GPC6: variants seen among roughly 807,000 people sequenced by gnomAD.
The protein encoded by GPC6 is glypican 6.
GPC6 carries 14 observed loss-of-function variants against 55.2 expected under a neutral mutation model. The ratio of observed to expected loss-of-function variants is 0.25; its 90% CI spans 0.17 to 0.40. The LOEUF (loss-of-function observed/expected upper bound fraction) is 0.40, where lower values mean the gene tolerates loss of function less well. Ranked by LOEUF, GPC6 falls within the 10% of genes least tolerant of loss-of-function variation. GPC6 has a pLI of 1.00. For synonymous variants in GPC6, 278 were observed against 259.6 expected, an observed-to-expected ratio of 1.07 and a Z score of -0.68; for missense variants, 641 against 708.5, an observed-to-expected ratio of 0.90 and a Z score of 1.08.
intron 7 of GPC6, among the ~76,000 whole-genome samples, chr13:94,395,706 G>T (rs1393950793): frequency 6.6e-6 from 1 of 152,212 alleles, no homozygotes; most frequent in Non-Finnish European, 1.5e-5. Context: ...AGAATATGTA[G>T]ATAGGAATAA....
chr13:94,209,219 G>C (rs1258719610), intron 4 of GPC6, among the ~76,000 whole-genome samples: 1 of 152,078 alleles, frequency 6.6e-6, no homozygotes, highest in African/African-American at 2.4e-5. Flanking sequence ...GGAAGAAAAG[G>C]CAATAATGTG....
intron 1 of GPC6, among the ~76,000 whole-genome samples, chr13:93,262,288 AG>A (rs149252052): frequency 0.039 from 5,960 of 152,270 alleles, 164 homozygotes; most frequent in Non-Finnish European, 0.061. Context: ...GAAAGAAGGA[AG>A]GGTTCCCGAA....
chr13:93,427,066 C>G (rs1448496124), intron 1 of GPC6, among the ~76,000 whole-genome samples: 1 of 149,584 alleles, frequency 6.7e-6, no homozygotes, highest in East Asian at 2.0e-4. Context: ...ATGTCCTTCG[C>G]CCACTTTTTG....
intron 2 of GPC6, among the ~76,000 whole-genome samples, chr13:93,582,121 T>G (rs1876965278): frequency 6.6e-6 from 1 of 152,224 alleles, no homozygotes; most frequent in African/African-American, 2.4e-5. Flanking sequence ...TAATTAGCAA[T>G]ATCCCTTAGA....
At chr13:93,914,313 G>A (rs566100182) in intron 3 of GPC6, among the ~76,000 whole-genome samples, 13 of 151,968 alleles carry the variant, frequency 8.6e-5, no homozygotes, top group Non-Finnish European at 1.6e-4. Flanking sequence ...GAGAACATGC[G>A]GTGTTTGGTT....
At chr13:94,115,499 G>A (rs1221674529) in intron 4 of GPC6, among the ~76,000 whole-genome samples, 2 of 152,104 alleles carry the variant, frequency 1.3e-5, no homozygotes, top group Non-Finnish European at 2.9e-5. Context: ...CTCTGGGCTA[G>A]TCTTTCATTT....
At chr13:94,157,013 G>A (rs1256499005) in intron 4 of GPC6, among the ~76,000 whole-genome samples, 1 of 152,166 alleles carries the variant, frequency 6.6e-6, no homozygotes, top group African/African-American at 2.4e-5. Context: ...GCGAGGAGCT[G>A]TGTTAGAAGC....
chr13:93,936,745 C>T (rs1289666955), intron 3 of GPC6, among the ~76,000 whole-genome samples: 1 of 152,038 alleles, frequency 6.6e-6, no homozygotes, highest in Admixed American at 6.6e-5. Context: ...AATGAGAGAC[C>T]TACTCAGAAA....
intron 1 of GPC6, among the ~76,000 whole-genome samples, chr13:93,312,644 A>G (rs1000776696): frequency 1.3e-5 from 2 of 152,170 alleles, no homozygotes; most frequent in Non-Finnish European, 2.9e-5. Context: ...TCTCAAGTCA[A>G]TATGCCTATA....
chr13:93,322,431 C>CTTTTTTTTTTTTTTTTTTTTTTTTTT (rs71272281), intron 1 of GPC6, among the ~76,000 whole-genome samples: 1 of 96,790 alleles, frequency 1.0e-5, no homozygotes, highest in Non-Finnish European at 1.9e-5. Flanking sequence ...TTTCTTTCTT[C>CTTTTTTTTTTTTTTTTTTTTTTTTTT]TTTTTTTTTT....
At position 94,306,074 on chromosome 13, in the gene GPC6, A is replaced by C; in HGVS notation, c.1103A>C (p.Asn368Thr). The C allele has an allele frequency of 6.2e-7, 1 of 1,614,136 alleles. No homozygotes were observed. The highest frequency in any genetic ancestry group is 8.5e-7 in the Non-Finnish European group (1 of 1,179,998). The change falls in exon 6 of 9, where the codon AAT becomes ACT. Residue 368 changes from asparagine (N) to threonine (T), a missense_variant. Transcript: ENST00000377047. ...TTTAATACACGTTTCAGGCCCTACA[A>C]TCCTGAGGAAAGACCAACAACTGCT... is the stretch of plus-strand genomic sequence containing the variant. ...ENFNTRFRPY[N>T]PEERPTTAAG... is the part of the protein sequence containing the mutation.
intron 3 of GPC6, among the ~76,000 whole-genome samples, chr13:93,878,519 C>G (rs982972601): frequency 6.6e-6 from 1 of 152,108 alleles, no homozygotes; most frequent in Non-Finnish European, 1.5e-5. Context: ...ACTGGGATTA[C>G]AGCCATGCAT....
chr13:93,684,836 T>C (rs1210003859), intron 2 of GPC6, among the ~76,000 whole-genome samples: 1 of 152,162 alleles, frequency 6.6e-6, no homozygotes, highest in African/African-American at 2.4e-5. Flanking sequence ...ACATCAGGGA[T>C]GCCTAAAGTT....
At chr13:94,046,932 A>G (rs1191435362) in intron 4 of GPC6, among the ~76,000 whole-genome samples, 2 of 152,154 alleles carry the variant, frequency 1.3e-5, no homozygotes, top group African/African-American at 4.8e-5. Flanking sequence ...ATAGTTCGCC[A>G]CTACTGCGAA....
At chr13:94,264,752 CT>C (rs1891744732) in intron 4 of GPC6, among the ~76,000 whole-genome samples, 1 of 152,158 alleles carries the variant, frequency 6.6e-6, no homozygotes, top group Non-Finnish European at 1.5e-5. Flanking sequence ...CATTTTCATG[CT>C]GCTGATACAG....
chr13:93,490,236 T>C (rs1879914140), intron 1 of GPC6, among the ~76,000 whole-genome samples: 2 of 151,522 alleles, frequency 1.3e-5, no homozygotes, highest in Non-Finnish European at 2.9e-5. Context: ...CATGTGGTTT[T>C]TGTCTTTGGT....
chr13:93,634,242 C>T (rs901494674), intron 2 of GPC6, among the ~76,000 whole-genome samples: 6 of 152,074 alleles, frequency 3.9e-5, no homozygotes, highest in African/African-American at 1.4e-4. Context: ...GTTTTGGCTT[C>T]CAAAAACCTC....
intron 2 of GPC6, among the ~76,000 whole-genome samples, chr13:93,769,948 T>G (rs898430007): frequency 6.6e-6 from 1 of 152,170 alleles, no homozygotes; most frequent in Non-Finnish European, 1.5e-5. Context: ...AGTTCAAAAT[T>G]TAGTAGTTGG....
intron 2 of GPC6, among the ~76,000 whole-genome samples, chr13:93,795,046 A>G (rs923460993): frequency 6.6e-5 from 10 of 152,172 alleles, no homozygotes; most frequent in African/African-American, 2.4e-4. Flanking sequence ...AGTTGAACCA[A>G]ACTGTTACAG....
Sources: gnomAD v4.1 joint callset for allele counts (sites outside exome capture counted in the v4.1 genomes callset) on GRCh38, gnomAD v4.1.1 for gene constraint, MANE v1.5 for transcripts, NCBI Gene and HGNC (gene_info 2026-07-23, HGNC 2026-07-21) for gene names.